PHF24: variants seen among roughly 807,000 people sequenced by gnomAD.
PHF24 encodes PHD finger protein 24.
PHF24 carries 25 observed loss-of-function variants against 42.6 expected under a neutral mutation model. The observed-to-expected ratio is 0.59, with a 90% CI of 0.43 to 0.82. The LOEUF (loss-of-function observed/expected upper bound fraction) is 0.82, where lower values mean the gene tolerates loss of function less well. PHF24 is among the 40% of genes least tolerant of loss of function. The probability of loss-of-function intolerance (pLI) is 0.00; values close to 1 mark genes in which losing one functional copy is unlikely to be tolerated. For synonymous variants in PHF24, 185 were observed against 204.8 expected, an observed-to-expected ratio of 0.90 and a Z score of 0.83; for missense variants, 470 against 538.1, an observed-to-expected ratio of 0.87 and a Z score of 1.25.
At chr9:34,819,869 T>C in the PHF24 span, among the ~76,000 whole-genome samples, 6 of 152,160 alleles carry the variant, frequency 3.9e-5, no homozygotes, top group African/African-American at 1.2e-4. Flanking sequence ...TGTGTATTTA[T>C]TTTCCCAATT....
the PHF24 span, among the ~76,000 whole-genome samples, chr9:34,704,557 G>A: frequency 1.3e-5 from 2 of 152,274 alleles, no homozygotes; most frequent in South Asian, 2.1e-4. Flanking sequence ...GGTATGGCCA[G>A]GCACAGTGGC....
chr9:34,971,151 C>A, intron 1 of PHF24, 144 bp from the exon 2 acceptor site: 1 of 649,124 alleles, frequency 1.5e-6, no homozygotes, highest in Non-Finnish European at 2.4e-6. Context: ...ATCTTCTGAT[C>A]CTTAACATGT....
At chr9:34,734,753 G>C in the PHF24 span, among the ~76,000 whole-genome samples, 2 of 152,174 alleles carry the variant, frequency 1.3e-5, no homozygotes, top group African/African-American at 4.8e-5. Flanking sequence ...GAGATTCAGG[G>C]GCACAGCCCC....
chr9:34,811,249 T>G, the PHF24 span, among the ~76,000 whole-genome samples: 4 of 152,252 alleles, frequency 2.6e-5, no homozygotes, highest in African/African-American at 9.6e-5. Flanking sequence ...AAGAATGTAC[T>G]CTTGCTTAAG....
At chr9:34,907,735 A>C in the PHF24 span, among the ~76,000 whole-genome samples, 1 of 150,894 alleles carries the variant, frequency 6.6e-6, no homozygotes, top group Non-Finnish European at 1.5e-5. Context: ...CTCTTTTTGG[A>C]TTGTCTTTGT....
chr9:34,976,249 G>T lies in PHF24; in HGVS notation c.643+19G>T. The T allele has an allele frequency of 6.2e-7, 1 of 1,600,930 alleles. No homozygotes were observed. The highest frequency in any genetic ancestry group is 8.6e-7 in the Non-Finnish European group (1 of 1,168,048). On this transcript the variant is annotated intron_variant, in intron 4 of 7. Transcript: ENST00000242315. ...ATCCCTGGTAAGGTTGGGTGGTGCT[G>T]CATGGATGGAGAGGGGCCGGGCAGA...
At chr9:34,975,310 C>T (rs1420609639) in intron 3 of PHF24, among the ~76,000 whole-genome samples, 3 of 152,140 alleles carry the variant, frequency 2.0e-5, no homozygotes, top group Non-Finnish European at 4.4e-5. Flanking sequence ...TTACTAGGTG[C>T]TCAGTAGGTG....
the PHF24 span, among the ~76,000 whole-genome samples, chr9:34,890,715 G>A: frequency 6.6e-6 from 1 of 152,190 alleles, no homozygotes; most frequent in Non-Finnish European, 1.5e-5. Flanking sequence ...GTGAAAATTT[G>A]TTCCCTGGAT....
the PHF24 span, among the ~76,000 whole-genome samples, chr9:34,759,287 C>T: frequency 4.1e-4 from 62 of 152,280 alleles, no homozygotes; most frequent in Admixed American, 9.1e-4. Flanking sequence ...TGTACCCAAT[C>T]CATAGAATTG....
At chr9:34,879,534 G>A in the PHF24 span, among the ~76,000 whole-genome samples, 4 of 152,140 alleles carry the variant, frequency 2.6e-5, no homozygotes, top group African/African-American at 9.7e-5. Context: ...TGAAAACCAT[G>A]GCACAGGAAC....
the PHF24 span, among the ~76,000 whole-genome samples, chr9:34,901,351 G>A: frequency 6.6e-6 from 1 of 152,174 alleles, no homozygotes; most frequent in Non-Finnish European, 1.5e-5. Context: ...TAACATTTTA[G>A]CAAATCAAAT....
At chr9:34,818,904 A>G in the PHF24 span, among the ~76,000 whole-genome samples, 6 of 152,192 alleles carry the variant, frequency 3.9e-5, no homozygotes, top group African/African-American at 1.2e-4. Flanking sequence ...TCAGTGTTTA[A>G]TAGAATACTG....
chr9:34,865,165 G>A, the PHF24 span, among the ~76,000 whole-genome samples: 1 of 146,942 alleles, frequency 6.8e-6, no homozygotes, highest in Admixed American at 6.8e-5. Flanking sequence ...AAAAAGCAGA[G>A]GGACAAAGTT....
the PHF24 span, among the ~76,000 whole-genome samples, chr9:34,942,540 A>G: frequency 6.6e-6 from 1 of 152,202 alleles, no homozygotes; most frequent in Admixed American, 6.5e-5. Context: ...GATCTCATCA[A>G]ATTATATTAT....
chr9:34,938,730 C>T, the PHF24 span, among the ~76,000 whole-genome samples: 1 of 150,254 alleles, frequency 6.7e-6, no homozygotes, highest in South Asian at 2.1e-4. Flanking sequence ...GAGATCAAGA[C>T]CATCCTGGCT....
the PHF24 span, among the ~76,000 whole-genome samples, chr9:34,941,193 T>C: frequency 6.6e-6 from 1 of 152,206 alleles, no homozygotes; most frequent in Non-Finnish European, 1.5e-5. Flanking sequence ...GTCTATATAC[T>C]GCATCCTAAA....
At chr9:34,937,935 A>C in the PHF24 span, among the ~76,000 whole-genome samples, 1 of 152,222 alleles carries the variant, frequency 6.6e-6, no homozygotes, top group Non-Finnish European at 1.5e-5. Flanking sequence ...GGAATCTAAC[A>C]AAAGCCCTGT....
chr9:34,694,742 G>A, the PHF24 span, among the ~76,000 whole-genome samples: 494 of 152,298 alleles, frequency 3.2e-3, 4 homozygotes, highest in East Asian at 4.2e-3. Context: ...GTGCTGGGAT[G>A]ACAGGCTTTG....
the PHF24 span, among the ~76,000 whole-genome samples, chr9:34,761,712 A>ATTG: frequency 6.6e-6 from 1 of 152,088 alleles, no homozygotes; most frequent in Non-Finnish European, 1.5e-5. Flanking sequence ...TATTATTATT[A>ATTG]TACGTTAAGT....
Sources: gnomAD v4.1 joint callset for allele counts (sites outside exome capture counted in the v4.1 genomes callset) on GRCh38, gnomAD v4.1.1 for gene constraint, MANE v1.5 for transcripts, NCBI Gene and HGNC (gene_info 2026-07-23, HGNC 2026-07-21) for gene names.